FAM184A: variants seen among roughly 807,000 people sequenced by gnomAD.
The protein encoded by FAM184A is family with sequence similarity 184 member A.
FAM184A carries 99 observed loss-of-function variants against 143.8 expected under a neutral mutation model. That is an observed-to-expected ratio of 0.69 (90% confidence interval 0.58 to 0.81). The LOEUF is 0.81. Ranked by LOEUF, FAM184A falls within the 40% of genes least tolerant of loss-of-function variation. The probability of loss-of-function intolerance (pLI) is 0.00; values close to 1 mark genes in which losing one functional copy is unlikely to be tolerated. For missense variants in FAM184A, 1,217 were observed against 1,310.5 expected (o/e 0.93, Z 1.10); for synonymous variants, 427 against 446.4 (o/e 0.96, Z 0.55).
chr6:119,101,165 C>T (rs985273562), intron 1 of FAM184A, among the ~76,000 whole-genome samples: 1 of 148,508 alleles, frequency 6.7e-6, no homozygotes, highest in Non-Finnish European at 1.5e-5. Context: ...CTCCTGGGTT[C>T]AAGCAATTCT....
intron 14 of FAM184A, among the ~76,000 whole-genome samples, chr6:118,969,474 A>G (rs1453347745): frequency 6.6e-6 from 1 of 152,234 alleles, no homozygotes; most frequent in African/African-American, 2.4e-5. Context: ...ACTTGCAAAT[A>G]TATTTCATTA....
chr6:119,120,445 G>A (rs1435396872), intron 1 of FAM184A, among the ~76,000 whole-genome samples: 1 of 152,158 alleles, frequency 6.6e-6, no homozygotes, highest in Non-Finnish European at 1.5e-5. Flanking sequence ...CTACTTTGGG[G>A]CTATTATGCT....
At chr6:119,016,497 G>A (rs755440977) in intron 5 of FAM184A, among the ~76,000 whole-genome samples, 2 of 151,790 alleles carry the variant, frequency 1.3e-5, no homozygotes, top group Admixed American at 6.6e-5. Context: ...AACACTCACC[G>A]CGAAGGTCTG....
In FAM184A at chr6:119,101,060, A is replaced by G. The variant is rs145703640; in HGVS notation, c.-202+48018T>C. 2.7e-3 allele frequency among the ~76,000 whole-genome samples: 359 copies of G among 134,800 alleles called. 1 individual carries two copies. The highest frequency in any genetic ancestry group is 4.2e-3 in the Admixed American group (48 of 11,536). The allele number at this position is 134,800 out of a possible 152,430, so 88.4% of individuals were successfully genotyped here. A position where few individuals can be genotyped will look rare whatever the true frequency, so the allele number is the denominator to read the frequency against. On this transcript the variant is annotated intron_variant, in intron 1 of 16. Transcript: ENST00000352896. ...CCCATAATGTCTCACATTTCTCACA[A>G]TGCACTTTCTTTTTTTTTTTTTGTA...
At chr6:119,055,562 ATTT>A (rs1192198190) in intron 1 of FAM184A, among the ~76,000 whole-genome samples, 6 of 152,102 alleles carry the variant, frequency 3.9e-5, no homozygotes, top group Admixed American at 6.5e-5. Flanking sequence ...TTCATTGTCA[ATTT>A]TTTTATTACA....
chr6:118,968,454 A>G (rs1783567533), intron 14 of FAM184A, among the ~76,000 whole-genome samples: 1 of 152,244 alleles, frequency 6.6e-6, no homozygotes, highest in South Asian at 2.1e-4. Context: ...GACCAAGTGA[A>G]AAATAATGTG....
chr6:118,984,149 T>TA (rs530813071), intron 9 of FAM184A, among the ~76,000 whole-genome samples: 1,856 of 111,894 alleles, frequency 0.017, 46 homozygotes, highest in African/African-American at 0.053. Context: ...AAACTCCATT[T>TA]AAAAAAAAAA....
At chr6:119,047,271 A>T (rs1312916374) in intron 1 of FAM184A, among the ~76,000 whole-genome samples, 1 of 152,220 alleles carries the variant, frequency 6.6e-6, no homozygotes, top group Non-Finnish European at 1.5e-5. Flanking sequence ...ACCCTTGTAC[A>T]CTATGGATGG....
intron 9 of FAM184A, among the ~76,000 whole-genome samples, chr6:118,983,457 G>A (rs1784078393): frequency 6.6e-6 from 1 of 152,038 alleles, no homozygotes; most frequent in African/African-American, 2.4e-5. Flanking sequence ...TATCTAGAAA[G>A]GCTTGTGTTG....
At position 118,959,841 on chromosome 6, in the gene FAM184A, CAA is replaced by C. The variant is rs1783262618; in HGVS notation, c.*260_*261del. The C allele has an allele frequency of 7.9e-6, 2 of 253,890 alleles. No homozygotes were observed. Among genetic ancestry groups the C allele is most frequent in the African/African-American group, 4.5e-5 (2 of 44,888 alleles). 15.7% of individuals were successfully genotyped at this position (253,890 alleles called of 1,614,324 possible). ...AATAAAAAGCATTGTTTGATTCTAA[CAA>C]AATTTATTATGCAGTAATTACAAAG... On this transcript the variant is annotated 3_prime_UTR_variant, in exon 18 of 18. Coordinates refer to ENST00000338891, the MANE Select transcript of FAM184A (RefSeq NM_024581.6).
At chr6:119,022,374 G>T (rs75621178) in intron 3 of FAM184A, among the ~76,000 whole-genome samples, 4 of 151,706 alleles carry the variant, frequency 2.6e-5, no homozygotes, top group Admixed American at 2.6e-4. Flanking sequence ...TTCTTTTAGT[G>T]ACTACTTTAT....
chr6:119,019,924 A>G (rs1301178799), intron 4 of FAM184A, 54 bp downstream of exon 4: 1 of 1,423,162 alleles, frequency 7.0e-7, no homozygotes, highest in African/African-American at 1.4e-5. Flanking sequence ...TCAAATGTGA[A>G]AAAGAGAAAA....
chr6:119,025,394 A>G, intron 1 of FAM184A: 1 of 511,610 alleles, frequency 2.0e-6, no homozygotes, highest in Non-Finnish European at 3.9e-6. Flanking sequence ...TTCTCTCTTC[A>G]AGTTTCTAGT....
intron 1 of FAM184A, among the ~76,000 whole-genome samples, chr6:119,113,213 G>A (rs1788976315): frequency 1.3e-5 from 2 of 152,038 alleles, no homozygotes; most frequent in African/African-American, 4.8e-5. Context: ...AAAAAAAAAT[G>A]CTCTCATTAT....
intron 6 of FAM184A, among the ~76,000 whole-genome samples, chr6:119,007,368 C>CA (rs954890741): frequency 2.2e-4 from 32 of 148,210 alleles, no homozygotes; most frequent in East Asian, 3.9e-4. Flanking sequence ...ACAGACATTA[C>CA]AAAAAAAAAA....
chr6:119,138,064 G>C (rs1006955750), intron 1 of FAM184A, among the ~76,000 whole-genome samples: 3 of 152,188 alleles, frequency 2.0e-5, no homozygotes, highest in African/African-American at 7.2e-5. Context: ...TATGCCATGA[G>C]TGTGCATTGC....
intron 1 of FAM184A, among the ~76,000 whole-genome samples, chr6:119,143,195 T>G (rs1772305066): frequency 6.6e-6 from 1 of 152,220 alleles, no homozygotes; most frequent in Non-Finnish European, 1.5e-5. Context: ...ACCATGATTA[T>G]TCCTTTAGTA....
chr6:119,088,251 T>G (rs1195322512), intron 1 of FAM184A, among the ~76,000 whole-genome samples: 1 of 152,200 alleles, frequency 6.6e-6, no homozygotes, highest in Non-Finnish European at 1.5e-5. Flanking sequence ...TTATGTTATT[T>G]ATATTTTGCC....
At chr6:119,030,828 A>C (rs797002) in intron 1 of FAM184A, among the ~76,000 whole-genome samples, 1 of 151,878 alleles carries the variant, frequency 6.6e-6, no homozygotes, top group Non-Finnish European at 1.5e-5. Flanking sequence ...GACATTAAGA[A>C]ACATTTGCAC....
Sources: gnomAD v4.1 joint callset for allele counts (sites outside exome capture counted in the v4.1 genomes callset) on GRCh38, gnomAD v4.1.1 for gene constraint, MANE v1.5 for transcripts, NCBI Gene and HGNC (gene_info 2026-07-23, HGNC 2026-07-21) for gene names.